The following SLC9A7 variants were observed in gnomAD, a reference collection of about 807,000 sequenced individuals.
The protein encoded by SLC9A7 is sodium/hydrogen exchanger 7.
In SLC9A7, 19 loss-of-function variants were observed where a neutral mutation model predicts 52.6. The ratio of observed to expected loss-of-function variants is 0.36; its 90% CI spans 0.25 to 0.53. The LOEUF is 0.53. SLC9A7 is among the 20% of genes least tolerant of loss of function. The pLI is 0.91. For missense variants in SLC9A7, 455 were observed against 597.9 expected, an observed-to-expected ratio of 0.76 and a Z score of 2.49; for synonymous variants, 226 against 252.1, an observed-to-expected ratio of 0.90 and a Z score of 0.98.
chrX:46,656,094 AC>A (rs1178559510), intron 7 of SLC9A7, among the ~76,000 whole-genome samples: 21 of 110,713 alleles, frequency 1.9e-4, no homozygotes, highest in Non-Finnish European at 3.6e-4. Context: ...ACTGGGAGGC[AC>A]CCCCCAGCAG....
At chrX:46,662,856 G>T (rs1461605587) in intron 5 of SLC9A7, among the ~76,000 whole-genome samples, 1 of 111,702 alleles carries the variant, frequency 9.0e-6, no homozygotes. Context: ...TGAGTCTAAT[G>T]ATATTGCACC....
intron 3 of SLC9A7, among the ~76,000 whole-genome samples, chrX:46,673,576 C>G (rs1372105737): frequency 8.9e-6 from 1 of 112,138 alleles, no homozygotes; most frequent in African/African-American, 3.2e-5. Context: ...AATCTCCCAA[C>G]ACTCTGATCA....
intron 1 of SLC9A7, among the ~76,000 whole-genome samples, chrX:46,714,969 T>G (rs1944747712): frequency 8.9e-6 from 1 of 111,890 alleles, no homozygotes; most frequent in African/African-American, 3.2e-5. Flanking sequence ...ACTGGCAAAC[T>G]AGAAGATAAA....
In SLC9A7 at chrX:46,607,206, G is replaced by A; in HGVS notation, c.1930-3C>T. On this transcript the variant is annotated splice_polypyrimidine_tract_variant and splice_region_variant and intron_variant, in intron 16 of 16. Transcript: ENST00000616978. ...TCCTCTCTCAGTGGCTCTTGGTTCT[G>A]AAAAGTGCAACCAACAACAACAACA... The A allele has an allele frequency of 8.3e-7, 1 of 1,207,806 alleles. No individual in the cohort carries two copies. The highest frequency in any genetic ancestry group is 1.1e-6 in the Non-Finnish European group (1 of 893,352).
At chrX:46,682,261 T>C (rs1308581823) in intron 2 of SLC9A7, 75 bp downstream of exon 2, 31 of 981,315 alleles carry the variant, frequency 3.2e-5, no homozygotes, top group Non-Finnish European at 4.5e-5. Flanking sequence ...GAAGGATTTC[T>C]CTCCACAAGG....
chrX:46,697,102 T>G (rs1944459522), intron 1 of SLC9A7, among the ~76,000 whole-genome samples: 1 of 111,889 alleles, frequency 8.9e-6, no homozygotes, highest in Non-Finnish European at 1.9e-5. Context: ...ACTACCAGGT[T>G]CCTAGCTGAA....
intron 1 of SLC9A7, among the ~76,000 whole-genome samples, chrX:46,732,226 C>T (rs935256702): frequency 4.6e-5 from 5 of 109,232 alleles, no homozygotes; most frequent in African/African-American, 1.7e-4. Flanking sequence ...AATAAAATGA[C>T]GTTGAGACAT....
At chrX:46,704,733 T>G (rs1171705862) in intron 1 of SLC9A7, among the ~76,000 whole-genome samples, 2 of 111,111 alleles carry the variant, frequency 1.8e-5, no homozygotes, top group Non-Finnish European at 3.8e-5. Context: ...CTCCTAAGAG[T>G]TGTACCCAAC....
intron 12 of SLC9A7, among the ~76,000 whole-genome samples, chrX:46,639,982 T>C (rs1220371877): frequency 8.9e-6 from 1 of 112,193 alleles, no homozygotes; most frequent in Non-Finnish European, 1.9e-5. Flanking sequence ...TGTTCATGGA[T>C]TGGAAGATTC....
intron 1 of SLC9A7, among the ~76,000 whole-genome samples, chrX:46,724,206 C>A (rs762451883): frequency 9.0e-6 from 1 of 111,452 alleles, no homozygotes; most frequent in East Asian, 2.8e-4. Context: ...TAGCCCATTG[C>A]GGTTAATAAG....
At chrX:46,697,262 T>C (rs1489861277) in intron 1 of SLC9A7, among the ~76,000 whole-genome samples, 2 of 112,322 alleles carry the variant, frequency 1.8e-5, no homozygotes, top group Non-Finnish European at 3.8e-5. Context: ...TAACTATAGT[T>C]AATAAAATGT....
At chrX:46,735,742 CTGGATATAGAAT>C (rs1408542754) in intron 1 of SLC9A7, among the ~76,000 whole-genome samples, 1 of 111,559 alleles carries the variant, frequency 9.0e-6, no homozygotes, top group Non-Finnish European at 1.9e-5. Context: ...GACATTTTCA[CTGGATATAGAAT>C]TCTGGGTTGA....
At chrX:46,621,732 C>T (rs1206207124) in intron 14 of SLC9A7, among the ~76,000 whole-genome samples, 1 of 112,395 alleles carries the variant, frequency 8.9e-6, no homozygotes, top group Non-Finnish European at 1.9e-5. Context: ...TCAAAATAAC[C>T]TGCAAAATCA....
chrX:46,682,507 A>G lies in SLC9A7; in HGVS notation c.354T>C (p.Tyr118=), dbSNP rs998165759. Residue 118 remains tyrosine, a synonymous_variant, in exon 2 of 17, where the codon TAT becomes TAC. Coordinates refer to ENST00000616978, the MANE Select transcript of SLC9A7 (RefSeq NM_001257291.2). ...YGLIVGVILR[Y]GTPATSGRDK... ...CACGGCCACTGGTAGCAGGGGTACC[A>G]TACCTCAGGATCACCCCAACGATGA... 1.2e-5 allele frequency: 14 copies of G among 1,210,985 alleles called. No homozygotes were observed. Among genetic ancestry groups the G allele is most frequent in the Non-Finnish European group, 1.6e-5 (14 of 895,051 alleles).
At chrX:46,634,639 C>T (rs1330401443) in intron 13 of SLC9A7, among the ~76,000 whole-genome samples, 1 of 111,887 alleles carries the variant, frequency 8.9e-6, no homozygotes, top group Non-Finnish European at 1.9e-5. Flanking sequence ...AGGGTTTCCT[C>T]TGCAATTTAG....
At chrX:46,631,691 G>A (rs1173281062) in intron 13 of SLC9A7, 42 bp from the exon 14 acceptor site, 13 of 1,078,222 alleles carry the variant, frequency 1.2e-5, no homozygotes, top group Admixed American at 2.3e-5. Context: ...AAAACAGAGC[G>A]TATTAGCTTG....
chrX:46,671,366 T>A (rs1309015035), intron 4 of SLC9A7, among the ~76,000 whole-genome samples: 1 of 110,460 alleles, frequency 9.1e-6, no homozygotes, highest in Non-Finnish European at 1.9e-5. Flanking sequence ...GTTCATGCTA[T>A]TCTCCTGCCT....
intron 1 of SLC9A7, among the ~76,000 whole-genome samples, chrX:46,682,870 T>C (rs760097482): frequency 1.8e-5 from 2 of 108,977 alleles, no homozygotes; most frequent in South Asian, 8.2e-4. Context: ...CTGGGCTCAC[T>C]GCAACCTCCG....
At chrX:46,752,994 C>A (rs1274357284) in intron 1 of SLC9A7, among the ~76,000 whole-genome samples, 3 of 111,969 alleles carry the variant, frequency 2.7e-5, no homozygotes, top group Non-Finnish European at 5.6e-5. Context: ...TAGTAAATGT[C>A]ATTTTTCTAT....
Sources: allele counts gnomAD v4.1 joint callset (sites outside exome capture counted in the v4.1 genomes callset), GRCh38; gene constraint gnomAD v4.1.1; transcripts MANE v1.5; gene names NCBI Gene and HGNC (gene_info 2026-07-23, HGNC 2026-07-21).